Variants in CELSR1 observed in about 807,000 individuals in gnomAD.
CELSR1 encodes the protein adhesion G protein-coupled receptor C1.
In CELSR1, 110 loss-of-function variants were observed where a neutral mutation model predicts 249.1. The ratio of observed to expected loss-of-function variants is 0.44; its 90% CI spans 0.38 to 0.52. The LOEUF (loss-of-function observed/expected upper bound fraction) is 0.52. Among genes scored for constraint, CELSR1 ranks in the 20% least tolerant of loss-of-function variants. CELSR1 has a pLI of 0.00. For missense variants in CELSR1, 4,109 were observed against 4,296.4 expected, an observed-to-expected ratio of 0.96 and a Z score of 1.22; for synonymous variants, 2,113 against 1,900.0, an observed-to-expected ratio of 1.11 and a Z score of -2.92.
intron 33 of CELSR1, 57 bp from the exon 34 acceptor site, chr22:46,364,308 C>T: frequency 6.3e-7 from 1 of 1,585,124 alleles, no homozygotes; most frequent in Non-Finnish European, 8.5e-7. Context: ...GGGGCAGCTG[C>T]TGGGCCGTGT....
rs1176543604 is a variant in CELSR1 at position 46,363,324 on chromosome 22, A to AT, written c.9036-78_9036-77insA. On this transcript the variant is annotated intron_variant, in intron 34 of 34. Coordinates refer to ENST00000674500, the MANE Select transcript of CELSR1 (RefSeq NM_001378328.1). The surrounding 1 kb of genome is among the most constrained non-coding windows in gnomAD (Gnocchi z 4.3). Reference sequence around the variant, plus strand: ...GCTTGGTGGGGCCCAAGGTTGTCACACGGGGGGGCAGGATCACCCCATCAG... The same window carrying AT: ...GCTTGGTGGGGCCCAAGGTTGTCACATCGGGGGGGCAGGATCACCCCATCAG... 1,367 of 1,121,944 alleles carry AT rather than the reference A, an allele frequency of 1.2e-3. 10 individuals are homozygous for AT. Among genetic ancestry groups the AT allele is most frequent in the Non-Finnish European group, 2.3e-4 (180 of 789,308 alleles). 69.5% of individuals were successfully genotyped at this position (1,121,944 alleles called of 1,614,324 possible).
At chr22:46,404,339 G>A (rs2079241294) in intron 9 of CELSR1, among the ~76,000 whole-genome samples, 1 of 151,978 alleles carries the variant, frequency 6.6e-6, no homozygotes, top group Non-Finnish European at 1.5e-5. Context: ...TTGAACCTGG[G>A]AGGCAGAGGT....
In CELSR1 at chr22:46,386,466, G is replaced by C; in HGVS notation, c.6675C>G (p.Ser2225Arg). The change falls in exon 19 of 35, where the codon AGC (serine) becomes AGG (arginine). Residue 2225 changes from serine (S) to arginine (R), a missense_variant. By Grantham distance (110) the Ser-to-Arg change is moderately radical. Around this residue, in one of 7 missense-constraint regions of CELSR1, gnomAD observed 1,805 missense variants for 1,831.6 expected, o/e 0.99. Coordinates refer to ENST00000674500, the MANE Select transcript of CELSR1 (RefSeq NM_001378328.1). The stretch of plus-strand genomic sequence containing the variant: ...TCCGCCGCACGTTGCGTGCCACGTT[G>C]CTGAAGTAGCCCTCGAGGCGCCGGA... Reference protein sequence around the residue: ...QLLRRLEGYFSNVARNVRRTY... With the variant: ...QLLRRLEGYFRNVARNVRRTY... 6.2e-7 allele frequency: 1 copy of C among 1,604,188 alleles called. No homozygotes were observed. Among genetic ancestry groups the C allele is most frequent in the Non-Finnish European group, 8.5e-7 (1 of 1,176,042 alleles).
At chr22:46,466,336 C>T (rs1361103388) in intron 1 of CELSR1, among the ~76,000 whole-genome samples, 1 of 152,256 alleles carries the variant, frequency 6.6e-6, no homozygotes, top group Non-Finnish European at 1.5e-5. Flanking sequence ...CTGGGTCCCA[C>T]AGGATGTAGC....
intron 2 of CELSR1, among the ~76,000 whole-genome samples, chr22:46,450,974 T>C (rs2079876800): frequency 1.3e-5 from 2 of 152,184 alleles, no homozygotes; most frequent in African/African-American, 2.4e-5. Context: ...TTACTATTAC[T>C]GGTCCCTGTT....
Position 46,488,544 on chromosome 22 carries a change from C to G in CELSR1, c.3545-24199G>C, listed in dbSNP as rs1288726812. On this transcript the variant is annotated intron_variant, in intron 1 of 34. Coordinates refer to ENST00000674500, the MANE Select transcript of CELSR1 (RefSeq NM_001378328.1). This position sits in a 1 kb window ranked among gnomAD's most constrained non-coding sequence, Gnocchi z 4.7. ...ACTCGGCACAGGCCAGAGGGAAGCC[C>G]CACAGGCCTAGCTGAGGGACACAAA... Among the ~76,000 whole-genome samples the G allele has an allele frequency of 6.6e-6, 1 of 152,188 alleles. No homozygotes were observed. The highest frequency in any genetic ancestry group is 2.4e-5 in the African/African-American group (1 of 41,438).
intron 1 of CELSR1, among the ~76,000 whole-genome samples, chr22:46,507,304 C>T (rs899346238): frequency 2.0e-5 from 3 of 152,150 alleles, no homozygotes; most frequent in Admixed American, 6.5e-5. Context: ...GGGGGGCCTC[C>T]GTCCAGCACC....
chr22:46,372,549 C>A (rs965527915), intron 25 of CELSR1, among the ~76,000 whole-genome samples: 1 of 151,066 alleles, frequency 6.6e-6, no homozygotes, highest in Non-Finnish European at 1.5e-5. Flanking sequence ...CCCCTCCATC[C>A]ATCCACCTGC....
rs777766272 is a variant in CELSR1 at position 46,411,579 on chromosome 22, G to T, written c.4769+23C>A. 8.7e-6 allele frequency: 14 copies of T among 1,613,414 alleles called. No homozygotes were observed. Among genetic ancestry groups the T allele is most frequent in the African/African-American group, 1.3e-5 (1 of 74,946 alleles). On this transcript the variant is annotated intron_variant, in intron 6 of 34. Coordinates refer to ENST00000674500, the MANE Select transcript of CELSR1 (RefSeq NM_001378328.1). The surrounding 1 kb of genome is among the most constrained non-coding windows in gnomAD (Gnocchi z 4.2). ...ATGTTTGGGGGTACGGACCCCCAGGGCCTCCCCTCCTGGGATGCTCACTTC... is the reference window on the plus strand; with the variant it reads ...ATGTTTGGGGGTACGGACCCCCAGGTCCTCCCCTCCTGGGATGCTCACTTC...
intron 1 of CELSR1, among the ~76,000 whole-genome samples, chr22:46,516,293 T>C (rs1451515885): frequency 2.0e-5 from 3 of 152,116 alleles, no homozygotes; most frequent in Non-Finnish European, 4.4e-5. Context: ...AATGATGAGT[T>C]CATGTCCTTT....
chr22:46,434,525 T>C lies in CELSR1; in HGVS notation c.4523-1044A>G, dbSNP rs1463781915. Among the ~76,000 whole-genome samples, 1 of 152,240 alleles carries C rather than the reference T, an allele frequency of 6.6e-6. No homozygotes were observed. The highest frequency in any genetic ancestry group is 1.5e-5 in the Non-Finnish European group (1 of 68,034). Reference sequence around the variant, plus strand: ...GCTATGGCCACCTCTCCCATGGTGGTTGGCTGCTGTTACAGGTGCCTCCCT... The same window carrying C: ...GCTATGGCCACCTCTCCCATGGTGGCTGGCTGCTGTTACAGGTGCCTCCCT... On this transcript the variant is annotated intron_variant, in intron 4 of 34. Coordinates refer to ENST00000674500, the MANE Select transcript of CELSR1 (RefSeq NM_001378328.1). The surrounding 1 kb of genome is among the most constrained non-coding windows in gnomAD (Gnocchi z 4.9).
intron 9 of CELSR1, among the ~76,000 whole-genome samples, chr22:46,404,013 A>G (rs2147300767): frequency 6.6e-6 from 1 of 151,190 alleles, no homozygotes; most frequent in Middle Eastern, 3.4e-3. Context: ...AAAAAAACTG[A>G]CTAGATCTGG....
chr22:46,537,255 A>G lies in CELSR1; in HGVS notation c.-85T>C. 9.9e-7 allele frequency: 1 copy of G among 1,005,204 alleles called. No homozygotes were observed. The highest frequency in any genetic ancestry group is 1.2e-6 in the Non-Finnish European group (1 of 844,342). The allele number at this position is 1,005,204 out of a possible 1,614,324, so 62.3% of individuals were successfully genotyped here. On this transcript the variant is annotated 5_prime_UTR_variant, in exon 1 of 35. Coordinates refer to ENST00000674500, the MANE Select transcript of CELSR1 (RefSeq NM_001378328.1). The surrounding 1 kb of genome is among the most constrained non-coding windows in gnomAD (Gnocchi z 5.8). ...CCGCATCCACCCGGCGAGGCCGGGG[A>G]GCGGCTCCCGGGCGCCCGGCCCTCG...
At position 46,451,400 on chromosome 22, in the gene CELSR1, T is replaced by TA. The variant is rs200070934; in HGVS notation, c.4184-11990dup. On this transcript the variant is annotated intron_variant, in intron 2 of 34. Transcript: ENST00000674500. ...CAGATGATCTCCAGACACACCCATT[T>TA]AAAAAAATAAGAAATGCATTCCAGC... is the stretch of plus-strand genomic sequence containing the variant. Among the ~76,000 whole-genome samples the TA allele has an allele frequency of 6.3e-3, 957 of 152,294 alleles. 4 individuals carry two copies. The highest frequency in any genetic ancestry group is 0.011 in the Non-Finnish European group (752 of 68,018).
At chr22:46,424,920 G>T (rs960102886) in intron 5 of CELSR1, among the ~76,000 whole-genome samples, 1 of 152,252 alleles carries the variant, frequency 6.6e-6, no homozygotes, top group African/African-American at 2.4e-5. Flanking sequence ...GCAGTGAGCT[G>T]AGATCGTGCC....
Position 46,440,655 on chromosome 22 carries a change from G to A in CELSR1, c.4184-1244C>T, listed in dbSNP as rs1219263696. 6.6e-6 allele frequency among the ~76,000 whole-genome samples: 1 copy of A among 152,112 alleles called. No individual in the cohort carries two copies. Among genetic ancestry groups the A allele is most frequent in the Non-Finnish European group, 1.5e-5 (1 of 68,026 alleles). On this transcript the variant is annotated intron_variant, in intron 2 of 34. Coordinates refer to ENST00000674500, the MANE Select transcript of CELSR1 (RefSeq NM_001378328.1). The surrounding 1 kb of genome is among the most constrained non-coding windows in gnomAD (Gnocchi z 4.7). ...AGCTGCCTGAGTTTGTCTTTCTGCT[G>A]GGTTTTTGGTCCTGCTCTTATTGTG...
intron 1 of CELSR1, among the ~76,000 whole-genome samples, chr22:46,465,685 AC>A (rs535250663): frequency 4.2e-3 from 634 of 152,318 alleles, no homozygotes; most frequent in Non-Finnish European, 7.1e-3. Context: ...TCTGGGAGGG[AC>A]CTGGAGTCAG....
Position 46,401,010 on chromosome 22 carries a change from C to A in CELSR1, c.5227-1108G>T, listed in dbSNP as rs372141740. On this transcript the variant is annotated intron_variant, in intron 9 of 34. Coordinates refer to ENST00000674500, the MANE Select transcript of CELSR1 (RefSeq NM_001378328.1). The surrounding 1 kb of genome is among the most constrained non-coding windows in gnomAD (Gnocchi z 4.7). Reference sequence around the variant, plus strand: ...TGTTGCTGTTGCCTTTAACACTGATCAGAATTGCTTGTCTTATTCTACGGG... The same window carrying A: ...TGTTGCTGTTGCCTTTAACACTGATAAGAATTGCTTGTCTTATTCTACGGG... 2.6e-5 allele frequency among the ~76,000 whole-genome samples: 4 copies of A among 151,792 alleles called. No individual in the cohort carries two copies. Among genetic ancestry groups the A allele is most frequent in the East Asian group, 3.9e-4 (2 of 5,162 alleles).
chr22:46,487,884 C>T lies in CELSR1; in HGVS notation c.3545-23539G>A, dbSNP rs1342617330. ...CTGGGGGTTGCGGGGGAGGGGTGTC[C>T]AGCTGATGGGGGTATATGGGAGGGC... On this transcript the variant is annotated intron_variant, in intron 1 of 34. Transcript: ENST00000674500. 5.1e-5 allele frequency among the ~76,000 whole-genome samples: 6 copies of T among 117,108 alleles called. No individual in the cohort carries two copies. In the East Asian group the frequency reaches 1.5e-3, roughly 30 times the overall value. 76.8% of individuals were successfully genotyped at this position (117,108 alleles called of 152,430 possible).
Sources: gnomAD v4.1 joint callset for allele counts (sites outside exome capture counted in the v4.1 genomes callset) on GRCh38, gnomAD v4.1.1 for gene constraint, gnomAD v4.1.1 regional missense constraint, Gnocchi (gnomAD v3.1) non-coding constraint, MANE v1.5 for transcripts, NCBI Gene and HGNC (gene_info 2026-07-23, HGNC 2026-07-21) for gene names.